The following VPS41 variants were observed in gnomAD, a reference collection of about 807,000 sequenced individuals.
VPS41 encodes the protein VPS41 subunit of HOPS complex, also known as vacuolar protein sorting-associated protein 41 homolog.
VPS41 carries 85 observed loss-of-function variants against 130.9 expected under a neutral mutation model. The ratio of observed to expected loss-of-function variants is 0.65; its 90% CI spans 0.55 to 0.78. The LOEUF is 0.78. Among genes scored for constraint, VPS41 ranks in the 30% least tolerant of loss-of-function variants. The pLI is 0.00. For synonymous variants in VPS41, 335 were observed against 332.9 expected (o/e 1.01, Z -0.07); for missense variants, 874 against 1,018.7 (o/e 0.86, Z 1.93).
chr7:38,753,331 C>T (rs1783719104), intron 21 of VPS41, among the ~76,000 whole-genome samples: 1 of 152,084 alleles, frequency 6.6e-6, no homozygotes, highest in African/African-American at 2.4e-5. Context: ...TGGACACATG[C>T]ACCTTAAGAA....
At chr7:38,759,590 G>C (rs1783871954) in intron 17 of VPS41, among the ~76,000 whole-genome samples, 1 of 152,112 alleles carries the variant, frequency 6.6e-6, no homozygotes, top group Non-Finnish European at 1.5e-5. Context: ...GCATTCCTGG[G>C]AGGCAGGTCG....
intron 5 of VPS41, among the ~76,000 whole-genome samples, chr7:38,826,698 T>C (rs1284665247): frequency 3.9e-5 from 6 of 152,300 alleles, no homozygotes. Flanking sequence ...ATAAATAACT[T>C]AGCAGACATC....
intron 16 of VPS41, among the ~76,000 whole-genome samples, chr7:38,764,591 G>C (rs775204592): frequency 6.6e-6 from 1 of 151,984 alleles, no homozygotes; most frequent in Non-Finnish European, 1.5e-5. Context: ...GGTACCACAG[G>C]GGAAGAGAAG....
chr7:38,817,042 G>A (rs1303315719), intron 7 of VPS41, among the ~76,000 whole-genome samples: 1 of 152,048 alleles, frequency 6.6e-6, no homozygotes, highest in Non-Finnish European at 1.5e-5. Flanking sequence ...ATTATGCCCA[G>A]TCCAATCTCT....
At chr7:38,739,845 T>C (rs1032339788) in intron 25 of VPS41, among the ~76,000 whole-genome samples, 3 of 152,238 alleles carry the variant, frequency 2.0e-5, no homozygotes, top group Non-Finnish European at 2.9e-5. Context: ...CATACTTACA[T>C]ATCTTAAGGA....
intron 7 of VPS41, among the ~76,000 whole-genome samples, chr7:38,809,039 A>G (rs573491504): frequency 9.2e-5 from 14 of 152,292 alleles, no homozygotes; most frequent in Admixed American, 9.2e-4. Flanking sequence ...AATACTTAAA[A>G]TTTACCAATG....
chr7:38,747,049 T>C (rs1359430662), intron 22 of VPS41, among the ~76,000 whole-genome samples: 2 of 152,180 alleles, frequency 1.3e-5, no homozygotes, highest in African/African-American at 4.8e-5. Flanking sequence ...TTTTTATCAC[T>C]CACAGTTGAA....
At chr7:38,763,574 T>G in intron 16 of VPS41, 27 bp from the exon 17 acceptor site, 1 of 1,489,366 alleles carries the variant, frequency 6.7e-7, no homozygotes, top group Non-Finnish European at 9.1e-7. Flanking sequence ...GAAAAAAAAG[T>G]CCATTAAAAT....
chr7:38,856,880 T>C (rs1189579143), intron 4 of VPS41, among the ~76,000 whole-genome samples: 1 of 152,096 alleles, frequency 6.6e-6, no homozygotes, highest in Non-Finnish European at 1.5e-5. Flanking sequence ...CATGGCAATA[T>C]TTAGAAGGTA....
Position 38,909,168 on chromosome 7 carries a change from C to T in VPS41, c.7G>A (p.Glu3Lys), listed in dbSNP as rs779648186. The T allele has an allele frequency of 1.9e-6, 3 of 1,614,134 alleles. No individual in the cohort carries two copies. Among genetic ancestry groups the T allele is most frequent in the Middle Eastern group, 1.6e-4 (1 of 6,082 alleles). MA[E>K]AEEQETGSLE... is the part of the protein sequence containing the mutation. ...GCACCCTTTACCTGCTCCTCTGCTT[C>T]CGCCATGGCGCCACGGGAGAGTCAC... Residue 3 changes from glutamate to lysine, a missense_variant, in exon 1 of 29, where the codon GAA becomes AAA. Transcript: ENST00000310301.
intron 4 of VPS41, among the ~76,000 whole-genome samples, chr7:38,858,645 C>T (rs1189950504): frequency 2.6e-5 from 4 of 152,118 alleles, no homozygotes; most frequent in South Asian, 4.1e-4. Flanking sequence ...TGGAAAATTC[C>T]TAACACTCTG....
chr7:38,776,836 G>A lies in VPS41; in HGVS notation c.785-60C>T. The A allele has an allele frequency of 5.3e-6, 5 of 947,080 alleles. No individual in the cohort carries two copies. The South Asian group carries it at 6.8e-5, about 13-fold the overall frequency. The allele number at this position is 947,080 out of a possible 1,614,324, so 58.7% of individuals were successfully genotyped here. ...CAGGGGCAAACAGCAGCACACATCT[G>A]GAGGAACACAATGACTGTGAATGCT... On this transcript the variant is annotated intron_variant, in intron 10 of 28. Coordinates refer to ENST00000310301, the MANE Select transcript of VPS41 (RefSeq NM_014396.4).
intron 4 of VPS41, among the ~76,000 whole-genome samples, chr7:38,852,611 G>C (rs970804454): frequency 2.6e-5 from 4 of 152,064 alleles, no homozygotes; most frequent in Non-Finnish European, 5.9e-5. Flanking sequence ...AAAAACATTA[G>C]AAATTATAGC....
intron 14 of VPS41, among the ~76,000 whole-genome samples, chr7:38,767,906 A>G (rs184320630): frequency 6.6e-6 from 1 of 152,314 alleles, no homozygotes; most frequent in East Asian, 1.9e-4. Flanking sequence ...GGTATTCGAT[A>G]TTAGAAACAT....
At chr7:38,742,244 T>C (rs1795896790) in intron 24 of VPS41, 123 bp from the exon 25 acceptor site, 1 of 928,674 alleles carries the variant, frequency 1.1e-6, no homozygotes, top group African/African-American at 1.7e-5. Flanking sequence ...ATTATTTCCT[T>C]CAAAGTAAGT....
intron 10 of VPS41, among the ~76,000 whole-genome samples, chr7:38,783,115 G>A (rs1157910618): frequency 3.3e-5 from 5 of 151,946 alleles, no homozygotes; most frequent in South Asian, 2.1e-4. Context: ...GTGATAGAGC[G>A]AGACTCTGCC....
At chr7:38,832,085 T>C (rs1785397012) in intron 4 of VPS41, among the ~76,000 whole-genome samples, 2 of 152,172 alleles carry the variant, frequency 1.3e-5, no homozygotes, top group Admixed American at 6.5e-5. Flanking sequence ...TTCTTAAGTC[T>C]ATTGACCAAT....
At chr7:38,741,272 GAAC>G (rs1022057209) in intron 25 of VPS41, 1 of 301,528 alleles carries the variant, frequency 3.3e-6, no homozygotes, top group African/African-American at 2.3e-5. Flanking sequence ...ATTAGAGGAA[GAAC>G]AACAGTCCGA....
chr7:38,811,313 C>A (rs1458617413), intron 7 of VPS41, among the ~76,000 whole-genome samples: 1 of 151,998 alleles, frequency 6.6e-6, no homozygotes, highest in Non-Finnish European at 1.5e-5. Context: ...CCACACCAAG[C>A]TGATACACAT....
Sources: gnomAD v4.1 joint callset for allele counts (sites outside exome capture counted in the v4.1 genomes callset) on GRCh38, gnomAD v4.1.1 for gene constraint, MANE v1.5 for transcripts, NCBI Gene and HGNC (gene_info 2026-07-23, HGNC 2026-07-21) for gene names.